The following RYR3 variants were observed in gnomAD, a reference collection of about 807,000 sequenced individuals.
RYR3 encodes ryanodine receptor 3, also known as brain ryanodine receptor-calcium release channel.
In RYR3, 207 loss-of-function variants were observed where a neutral mutation model predicts 584.3. The ratio of observed to expected loss-of-function variants is 0.35; its 90% CI spans 0.32 to 0.40. The LOEUF (loss-of-function observed/expected upper bound fraction) is 0.40. Ranked by LOEUF, RYR3 falls within the 10% of genes least tolerant of loss-of-function variation. The pLI is 1.00. For synonymous variants in RYR3, 2,416 were observed against 2,248.5 expected, an observed-to-expected ratio of 1.07 and a Z score of -2.11; for missense variants, 5,616 against 6,089.2, an observed-to-expected ratio of 0.92 and a Z score of 2.59.
chr15:33,329,047 G>A (rs1427871721), intron 1 of RYR3, among the ~76,000 whole-genome samples: 4 of 152,102 alleles, frequency 2.6e-5, no homozygotes, highest in Non-Finnish European at 5.9e-5. Flanking sequence ...TTAGAGTAAC[G>A]GCAGTTACTC....
In RYR3 at chr15:33,848,422, G is replaced by A. The variant is rs771023986; in HGVS notation, c.13628+1G>A. ...GGGACCGCTTGGTGATCAACACACCGTGAGTGTCCCTCTACCCCAACCTAA... is the reference window on the plus strand; with the variant it reads ...GGGACCGCTTGGTGATCAACACACCATGAGTGTCCCTCTACCCCAACCTAA... On this transcript the variant is annotated splice_donor_variant, in intron 94 of 103. Coordinates refer to ENST00000634891, the MANE Select transcript of RYR3 (RefSeq NM_001036.6). LOFTEE classifies it high-confidence loss of function. 3 of 1,611,274 alleles carry A rather than the reference G, an allele frequency of 1.9e-6. No homozygotes were observed. The highest frequency in any genetic ancestry group is 1.7e-6 in the Non-Finnish European group (2 of 1,179,250).
At chr15:33,807,652 A>G in intron 70 of RYR3, 83 bp downstream of exon 70, 1 of 1,334,678 alleles carries the variant, frequency 7.5e-7, no homozygotes, top group Non-Finnish European at 1.1e-6. Flanking sequence ...TGTGATCACC[A>G]TGGGGGTGGT....
rs746004608 is a variant in RYR3, at chr15:33,838,328, AGAT to A, written c.12351_12353del (p.Asp4117del). ...CTGACAGGCCAGAAGAGGAGGAAGA[AGAT>A]GAAGATTCTTCTTACGTGTTAGAAA... is the stretch of plus-strand genomic sequence containing the variant. On this transcript the variant is annotated inframe_deletion, in exon 89 of 104. Coordinates refer to ENST00000634891, the MANE Select transcript of RYR3 (RefSeq NM_001036.6). 1 of 1,614,028 alleles carries A rather than the reference AGAT, an allele frequency of 6.2e-7. No homozygotes were observed. Among genetic ancestry groups the A allele is most frequent in the Non-Finnish European group, 8.5e-7 (1 of 1,179,890 alleles).
chr15:33,381,623 A>G (rs1348088545), intron 1 of RYR3, among the ~76,000 whole-genome samples: 5 of 151,046 alleles, frequency 3.3e-5, no homozygotes, highest in Non-Finnish European at 7.4e-5. Context: ...CAGTCCTACC[A>G]CTCCTTGAAA....
At position 33,721,232 on chromosome 15, in the gene RYR3, CA is replaced by C. The variant is rs573304238; in HGVS notation, c.6620-1481del. On this transcript the variant is annotated intron_variant, in intron 43 of 103. Transcript: ENST00000634891. Reference sequence around the variant, plus strand: ...ATGGTGAGAAACTGAGGCCTCCACCCAACATCCAGTATGCAACTGAGGCCTC... The same window carrying C: ...ATGGTGAGAAACTGAGGCCTCCACCCACATCCAGTATGCAACTGAGGCCTC... Among the ~76,000 whole-genome samples the C allele has an allele frequency of 1.8e-3, 275 of 152,278 alleles. 2 individuals carry two copies. The highest frequency in any genetic ancestry group is 6.3e-3 in the African/African-American group (263 of 41,552).
chr15:33,533,486 AAACC>A, intron 5 of RYR3, 97 bp downstream of exon 5: 1 of 765,204 alleles, frequency 1.3e-6, no homozygotes, highest in Non-Finnish European at 2.2e-6. Context: ...TTGGGATTCC[AAACC>A]AACCTGGTTA....
chr15:33,503,453 A>G (rs1454777146), intron 2 of RYR3, among the ~76,000 whole-genome samples, 178 bp from the exon 3 acceptor site: 1 of 152,134 alleles, frequency 6.6e-6, no homozygotes, highest in Non-Finnish European at 1.5e-5. Context: ...TTTTCTTACC[A>G]TTCTTTAGAA....
intron 17 of RYR3, among the ~76,000 whole-genome samples, chr15:33,602,127 A>G (rs1402545652): frequency 6.6e-6 from 1 of 152,146 alleles, no homozygotes; most frequent in Non-Finnish European, 1.5e-5. Flanking sequence ...GCCACTTTCT[A>G]CCTAGGCCTA....
chr15:33,757,840 G>C, intron 60 of RYR3: 1 of 516,098 alleles, frequency 1.9e-6, no homozygotes, highest in Non-Finnish European at 3.5e-6. Flanking sequence ...AATCAACATC[G>C]GGACAGAGAT....
Position 33,311,034 on chromosome 15 carries a change from G to A in RYR3, c.-12G>A, listed in dbSNP as rs1295967433. 1.9e-6 allele frequency: 3 copies of A among 1,575,984 alleles called. No individual in the cohort carries two copies. Among genetic ancestry groups the A allele is most frequent in the Non-Finnish European group, 2.6e-6 (3 of 1,162,746 alleles). ...CGCCGGAGGCTGGGGCACCGCCGAC[G>A]CCTCGGGAGCCATGGCCGAAGGGGG... On this transcript the variant is annotated 5_prime_UTR_variant, in exon 1 of 104. Transcript: ENST00000634891. This position sits in a 1 kb window ranked among gnomAD's most constrained non-coding sequence, Gnocchi z 4.4.
chr15:33,495,262 A>T (rs2051313910), intron 2 of RYR3, among the ~76,000 whole-genome samples: 1 of 152,192 alleles, frequency 6.6e-6, no homozygotes, highest in Non-Finnish European at 1.5e-5. Context: ...GGAGGTAGGT[A>T]GCCTAGTGGG....
chr15:33,328,284 G>A (rs570901916), intron 1 of RYR3, among the ~76,000 whole-genome samples: 4 of 152,232 alleles, frequency 2.6e-5, no homozygotes, highest in East Asian at 3.9e-4. Context: ...GGGCTGTTAC[G>A]GCAGCTCTGC....
chr15:33,426,059 A>G (rs910484935), intron 1 of RYR3, among the ~76,000 whole-genome samples: 4 of 152,190 alleles, frequency 2.6e-5, no homozygotes, highest in East Asian at 3.8e-4. Flanking sequence ...AATTAAAGCT[A>G]CAAATCAGTA....
intron 1 of RYR3, among the ~76,000 whole-genome samples, chr15:33,385,135 A>G (rs1254465053): frequency 6.6e-6 from 1 of 152,182 alleles, no homozygotes; most frequent in Admixed American, 6.5e-5. Flanking sequence ...TTTCATCTAC[A>G]TTAAAGGGTT....
intron 3 of RYR3, among the ~76,000 whole-genome samples, chr15:33,517,541 T>C (rs1394789378): frequency 6.6e-6 from 1 of 152,220 alleles, no homozygotes; most frequent in Non-Finnish European, 1.5e-5. Flanking sequence ...CAAAATACAG[T>C]CGTCGTTTTC....
intron 36 of RYR3, 85 bp downstream of exon 36, chr15:33,663,822 T>G: frequency 4.2e-6 from 5 of 1,183,438 alleles, no homozygotes; most frequent in Non-Finnish European, 6.0e-6. Flanking sequence ...CTCTATGGTC[T>G]CTGGGGCAGC....
chr15:33,731,984 G>A (rs1187078193), intron 48 of RYR3, among the ~76,000 whole-genome samples: 1 of 152,118 alleles, frequency 6.6e-6, no homozygotes, highest in Non-Finnish European at 1.5e-5. Flanking sequence ...TCAGATTAAG[G>A]GCTGTCTTCA....
chr15:33,469,522 G>A (rs2048757896), intron 1 of RYR3, among the ~76,000 whole-genome samples: 2 of 151,846 alleles, frequency 1.3e-5, no homozygotes, highest in Admixed American at 1.3e-4. Flanking sequence ...CTGTGATACA[G>A]GAAAAGGGGA....
chr15:33,827,231 A>G lies in RYR3; in HGVS notation c.11278A>G (p.Asn3760Asp). 6.4e-7 allele frequency: 1 copy of G among 1,552,362 alleles called. No individual in the cohort carries two copies. The highest frequency in any genetic ancestry group is 8.7e-7 in the Non-Finnish European group (1 of 1,147,430). The change falls in exon 85 of 104, where the codon AAC becomes GAC. Residue 3760 changes from asparagine (N) to aspartate (D), a missense_variant. Around this residue, in one of 9 missense-constraint regions of RYR3, gnomAD observed 954 missense variants for 1,132.2 expected, o/e 0.84. Coordinates refer to ENST00000634891, the MANE Select transcript of RYR3 (RefSeq NM_001036.6). The part of the protein sequence containing the change: ...FQNFLRTQMG[N>D]TTTVNVIIST... ...GAACTTCCTGCGGACTCAGATGGGC[A>G]ACACCACCACCGTGAATGTCATCAT...
Sources: gnomAD v4.1 joint callset for allele counts (sites outside exome capture counted in the v4.1 genomes callset) on GRCh38, gnomAD v4.1.1 for gene constraint, gnomAD v4.1.1 regional missense constraint, Gnocchi (gnomAD v3.1) non-coding constraint, MANE v1.5 for transcripts, NCBI Gene and HGNC (gene_info 2026-07-23, HGNC 2026-07-21) for gene names.